The following CHL1 variants were observed in gnomAD, a reference collection of about 807,000 sequenced individuals.
CHL1 encodes neural cell adhesion molecule L1-like protein.
CHL1 carries 96 observed loss-of-function variants against 141.9 expected under a neutral mutation model. That is an observed-to-expected ratio of 0.68 (90% CI 0.57 to 0.80). The LOEUF (loss-of-function observed/expected upper bound fraction) is 0.80, where lower values mean the gene tolerates loss of function less well. Among genes scored for constraint, CHL1 ranks in the 30% least tolerant of loss-of-function variants. The probability of loss-of-function intolerance (pLI) is 0.00; values close to 1 mark genes in which losing one functional copy is unlikely to be tolerated. For synonymous variants in CHL1, 613 were observed against 502.2 expected (o/e 1.22, Z -2.95); for missense variants, 1,820 against 1,457.2 (o/e 1.25, Z -4.05).
intron 2 of CHL1, among the ~76,000 whole-genome samples, chr3:280,447 G>C (rs1386707352): frequency 1.3e-5 from 2 of 152,114 alleles, no homozygotes; most frequent in African/African-American, 2.4e-5. Flanking sequence ...ATTTAGATAA[G>C]AATTAAAGTG....
chr3:222,020 T>C (rs1023489844), intron 1 of CHL1, among the ~76,000 whole-genome samples: 1 of 152,234 alleles, frequency 6.6e-6, no homozygotes, highest in Non-Finnish European at 1.5e-5. Flanking sequence ...AAAGGCAGCA[T>C]ATATTTTGTA....
At chr3:294,511 A>C (rs767477164) in intron 2 of CHL1, among the ~76,000 whole-genome samples, 1 of 152,228 alleles carries the variant, frequency 6.6e-6, no homozygotes, top group Admixed American at 6.5e-5. Context: ...AACCACAAAC[A>C]GGTTATACCA....
At chr3:204,900 A>G (rs1403611856) in intron 1 of CHL1, among the ~76,000 whole-genome samples, 1 of 152,188 alleles carries the variant, frequency 6.6e-6, no homozygotes, top group Admixed American at 6.5e-5. Context: ...AACATAGTGA[A>G]CAAAAAGAAA....
chr3:380,670 A>T (rs1706920032), intron 16 of CHL1, among the ~76,000 whole-genome samples: 1 of 152,206 alleles, frequency 6.6e-6, no homozygotes, highest in South Asian at 2.1e-4. Flanking sequence ...TGAGAACTCC[A>T]GGTTAAGACG....
At chr3:262,944 A>T (rs1481882902) in intron 2 of CHL1, among the ~76,000 whole-genome samples, 1 of 152,168 alleles carries the variant, frequency 6.6e-6, no homozygotes, top group Non-Finnish European at 1.5e-5. Context: ...GTGAACTACA[A>T]TTAGGTATTA....
At chr3:293,560 G>T (rs1211162171) in intron 2 of CHL1, among the ~76,000 whole-genome samples, 1 of 151,984 alleles carries the variant, frequency 6.6e-6, no homozygotes, top group African/African-American at 2.4e-5. Context: ...CTGAGAAAAA[G>T]GAGCAAATAT....
At position 400,900 on chromosome 3, in the gene CHL1, C is replaced by CT. The variant is rs71058770; in HGVS notation, c.3386-707dup. On this transcript the variant is annotated intron_variant, in intron 26 of 27. Coordinates refer to ENST00000256509, the MANE Select transcript of CHL1 (RefSeq NM_006614.4). ...TGATGTATAACAACCAAATGACTGC[C>CT]TTTTTTTTTTTTTTTTTTTGAGACA... 2.4e-3 allele frequency among the ~76,000 whole-genome samples: 272 copies of CT among 112,450 alleles called. 24 individuals carry two copies. The highest frequency in any genetic ancestry group is 0.013 in the Middle Eastern group (2 of 156). 73.8% of individuals were successfully genotyped at this position (112,450 alleles called of 152,430 possible).
chr3:287,874 T>G (rs1697308908), intron 2 of CHL1, among the ~76,000 whole-genome samples: 1 of 152,130 alleles, frequency 6.6e-6, no homozygotes, highest in African/African-American at 2.4e-5. Context: ...GAAGCGATTC[T>G]CCTGCCTCAG....
intron 15 of CHL1, among the ~76,000 whole-genome samples, chr3:369,431 A>T (rs892149878): frequency 1.2e-4 from 18 of 152,138 alleles, no homozygotes; most frequent in Non-Finnish European, 2.5e-4. Context: ...AATGCTTGTG[A>T]TTTTTGCACA....
In CHL1 at chr3:380,507, C is replaced by G. The variant is rs190090799; in HGVS notation, c.1877-1672C>G. On this transcript the variant is annotated intron_variant, in intron 16 of 27. Coordinates refer to ENST00000256509, the MANE Select transcript of CHL1 (RefSeq NM_006614.4). ...CCATTAGAAATAAGATTTCTTTTTA[C>G]TGTTGCTTTATTTTCAAAGTACCAG... 1.1e-4 allele frequency among the ~76,000 whole-genome samples: 16 copies of G among 152,272 alleles called. No homozygotes were observed. In the East Asian group the frequency reaches 2.5e-3, roughly 24 times the overall value.
chr3:205,689 A>G (rs906654506), intron 1 of CHL1, among the ~76,000 whole-genome samples: 1 of 152,048 alleles, frequency 6.6e-6, no homozygotes, highest in African/African-American at 2.4e-5. Flanking sequence ...GGGTCCTATG[A>G]GGCATTGTGA....
chr3:208,653 T>C (rs1368598831), intron 1 of CHL1, among the ~76,000 whole-genome samples: 4 of 152,236 alleles, frequency 2.6e-5, no homozygotes, highest in African/African-American at 7.2e-5. Context: ...TTGAATATGG[T>C]ACCATTAATG....
intron 2 of CHL1, among the ~76,000 whole-genome samples, chr3:314,950 T>C (rs1263305418): frequency 2.0e-5 from 3 of 152,090 alleles, no homozygotes; most frequent in Admixed American, 1.3e-4. Context: ...CTCTCACACT[T>C]TTGGGGAGAG....
intron 1 of CHL1, among the ~76,000 whole-genome samples, chr3:230,565 CA>C (rs1355988630): frequency 6.6e-6 from 1 of 151,672 alleles, no homozygotes; most frequent in Non-Finnish European, 1.5e-5. Flanking sequence ...GAATTAGAAT[CA>C]CAATACTTGG....
chr3:376,441 C>T, intron 15 of CHL1: 1 of 512,642 alleles, frequency 2.0e-6, no homozygotes, highest in Non-Finnish European at 3.9e-6. Context: ...TATACCATAC[C>T]TACCACATTT....
At chr3:341,640 A>G (rs1465064245) in intron 6 of CHL1, among the ~76,000 whole-genome samples, 2 of 152,162 alleles carry the variant, frequency 1.3e-5, no homozygotes, top group African/African-American at 4.8e-5. Flanking sequence ...AGGTGGAGAC[A>G]AAGATGGTAA....
intron 9 of CHL1, 46 bp from the exon 10 acceptor site, chr3:349,313 T>C (rs773727018): frequency 4.0e-6 from 6 of 1,509,220 alleles, no homozygotes; most frequent in African/African-American, 1.4e-5. Context: ...TGTATTTTAC[T>C]TTCCGCTTTT....
chr3:393,151 T>G (rs60519920), intron 23 of CHL1, among the ~76,000 whole-genome samples: 4,254 of 140,404 alleles, frequency 0.03, 186 homozygotes, highest in African/African-American at 0.093. Context: ...GAGAATGGCG[T>G]GAACCCGGGA....
chr3:260,241 G>A (rs542840405), intron 2 of CHL1, among the ~76,000 whole-genome samples: 16 of 149,280 alleles, frequency 1.1e-4, no homozygotes, highest in Non-Finnish European at 1.8e-4. Flanking sequence ...TCCAGACTGG[G>A]TGACAGAGTG....
Sources: gnomAD v4.1 joint callset for allele counts (sites outside exome capture counted in the v4.1 genomes callset) on GRCh38, gnomAD v4.1.1 for gene constraint, MANE v1.5 for transcripts, NCBI Gene and HGNC (gene_info 2026-07-23, HGNC 2026-07-21) for gene names.